Variants in RBL1 observed in about 807,000 individuals in gnomAD.
The protein encoded by RBL1 is retinoblastoma-like protein 1.
In RBL1, 82 loss-of-function variants were observed where a neutral mutation model predicts 123.0. That is an observed-to-expected ratio of 0.67 (90% CI 0.56 to 0.80). RBL1 has a LOEUF of 0.80. Among genes scored for constraint, RBL1 ranks in the 30% least tolerant of loss-of-function variants. RBL1 has a pLI of 0.00. For synonymous variants in RBL1, 405 were observed against 441.3 expected (o/e 0.92, Z 1.03); for missense variants, 1,171 against 1,299.6 (o/e 0.90, Z 1.52).
Position 37,044,085 on chromosome 20 carries a change from C to G in RBL1, c.1770+1G>C. The stretch of plus-strand genomic sequence containing the variant: ...CGATTATCAGCCTTGCCCAGACTCA[C>G]TTCTTCACAGGTAGGAACTTTGTTT... On this transcript the variant is annotated splice_donor_variant, in intron 13 of 21. Transcript: ENST00000373664. LOFTEE classifies it high-confidence loss of function. The G allele has an allele frequency of 1.3e-6, 2 of 1,522,624 alleles. No homozygotes were observed. Among genetic ancestry groups the G allele is most frequent in the Non-Finnish European group, 1.8e-6 (2 of 1,115,830 alleles). The allele number at this position is 1,522,624 out of a possible 1,614,324, so 94.3% of individuals were successfully genotyped here. A position where few individuals can be genotyped will look rare whatever the true frequency, so the allele number is the denominator to read the frequency against.
At chr20:37,091,434 T>C (rs1055407861) in intron 1 of RBL1, among the ~76,000 whole-genome samples, 1 of 151,716 alleles carries the variant, frequency 6.6e-6, no homozygotes, top group African/African-American at 2.4e-5. Context: ...TTTGGGAGGC[T>C]GAGGCAGAGG....
chr20:37,081,948 T>C (rs1218219078), intron 2 of RBL1: 1 of 455,148 alleles, frequency 2.2e-6, no homozygotes, highest in East Asian at 7.0e-5. Context: ...AATTATAATA[T>C]CAGTAAATGG....
intron 2 of RBL1, among the ~76,000 whole-genome samples, chr20:37,085,132 CTT>C (rs1212338574): frequency 5.3e-5 from 7 of 132,962 alleles, no homozygotes; most frequent in Admixed American, 1.5e-4. Flanking sequence ...CTTTTCTTTT[CTT>C]TTTTTTTTTT....
At chr20:37,053,268 T>C (rs999029268) in intron 11 of RBL1, among the ~76,000 whole-genome samples, 1 of 152,236 alleles carries the variant, frequency 6.6e-6, no homozygotes, top group East Asian at 1.9e-4. Context: ...AACACCAGTT[T>C]GTTGTAACAA....
At chr20:37,038,584 C>G (rs2064668036) in intron 14 of RBL1, among the ~76,000 whole-genome samples, 1 of 150,132 alleles carries the variant, frequency 6.7e-6, no homozygotes, top group Non-Finnish European at 1.5e-5. Context: ...CAGGAATGAG[C>G]CACTGTGCCT....
rs779276194 is a variant in RBL1 at position 36,998,933 on chromosome 20, T to C, written c.3037-4A>G. ...TGTTGTTGATATCTTTCAAACTCTG[T>C]GCAGAAATAGAGAACGTGTGTGAGT... On this transcript the variant is annotated splice_region_variant and splice_polypyrimidine_tract_variant and intron_variant, in intron 21 of 21. Coordinates refer to ENST00000373664, the MANE Select transcript of RBL1 (RefSeq NM_002895.5). 16 of 1,609,000 alleles carry C rather than the reference T, an allele frequency of 9.9e-6. No homozygotes were observed. The highest frequency in any genetic ancestry group is 1.4e-5 in the Non-Finnish European group (16 of 1,177,814).
intron 19 of RBL1, among the ~76,000 whole-genome samples, chr20:37,010,861 G>T (rs1036002031): frequency 1.3e-5 from 2 of 151,918 alleles, no homozygotes; most frequent in African/African-American, 4.8e-5. Flanking sequence ...TATCACCCAG[G>T]CTGAAGTGCA....
chr20:37,020,674 G>C lies in RBL1; in HGVS notation c.2616C>G (p.Pro872=). The C allele has an allele frequency of 6.3e-7, 1 of 1,585,622 alleles. No individual in the cohort carries two copies. Among genetic ancestry groups the C allele is most frequent in the East Asian group, 2.3e-5 (1 of 44,390 alleles). The change falls in exon 18 of 22, where the codon CCC becomes CCG. Residue 872 remains proline, a synonymous_variant. Transcript: ENST00000373664. ...QEIMKSYRNQ[P]QANSHVYRSV... ...TGTAACTCACGTGACTATTAGCTTGGGGCTGATTCCTATAACTTTTCATAA... is the reference window on the plus strand; with the variant it reads ...TGTAACTCACGTGACTATTAGCTTGCGGCTGATTCCTATAACTTTTCATAA...
chr20:37,064,254 C>T (rs1010385138), intron 7 of RBL1, among the ~76,000 whole-genome samples: 1 of 151,634 alleles, frequency 6.6e-6, no homozygotes, highest in African/African-American at 2.4e-5. Flanking sequence ...CCGCCTGCCT[C>T]AGCCTCCCAA....
intron 15 of RBL1, among the ~76,000 whole-genome samples, chr20:37,033,627 T>G (rs2064552343): frequency 6.6e-6 from 1 of 151,358 alleles, no homozygotes; most frequent in South Asian, 2.1e-4. Flanking sequence ...TTTTTTTTTT[T>G]TTTTGAGACA....
rs1316179002 is a variant in RBL1 at position 37,049,217 on chromosome 20, A to AAAAACAT, written c.1468-2028_1468-2027insATGTTTT. The AAAAACAT allele has an allele frequency of 2.9e-5, 12 of 416,178 alleles. 1 individual carries two copies. Among genetic ancestry groups the AAAAACAT allele is most frequent in the African/African-American group, 2.0e-4 (10 of 49,664 alleles). 25.8% of individuals were successfully genotyped at this position (416,178 alleles called of 1,614,324 possible). A position where few individuals can be genotyped will look rare whatever the true frequency, so the allele number is the denominator to read the frequency against. ...ACTCTGTCCCAAAAAACAAAAAACA[A>AAAAACAT]AAAACAAAAAAAAATTTAAAGATCC... On this transcript the variant is annotated intron_variant, in intron 11 of 21. Transcript: ENST00000373664.
intron 21 of RBL1, among the ~76,000 whole-genome samples, chr20:37,000,264 C>G (rs1290745013): frequency 6.7e-6 from 1 of 149,864 alleles, no homozygotes; most frequent in African/African-American, 2.5e-5. Context: ...GGCAGCCACT[C>G]CGTCTGGGAA....
chr20:37,012,201 C>T (rs2064161819), intron 19 of RBL1, among the ~76,000 whole-genome samples: 1 of 152,254 alleles, frequency 6.6e-6, no homozygotes, highest in Non-Finnish European at 1.5e-5. Context: ...GTGGCGTGAT[C>T]TCGGCTCGCT....
intron 19 of RBL1, among the ~76,000 whole-genome samples, chr20:37,014,372 TTC>T (rs2064216770): frequency 6.6e-6 from 1 of 151,616 alleles, no homozygotes; most frequent in Non-Finnish European, 1.5e-5. Flanking sequence ...AGCCACTGTG[TTC>T]TCTCTTTTTG....
chr20:37,001,158 T>TCC (rs934657452), intron 21 of RBL1, among the ~76,000 whole-genome samples: 6 of 146,050 alleles, frequency 4.1e-5, no homozygotes, highest in African/African-American at 1.5e-4. Context: ...AGCCGCCCCG[T>TCC]CCGGGAGGTG....
chr20:37,045,004 A>G (rs2046947636), intron 12 of RBL1, among the ~76,000 whole-genome samples: 1 of 152,050 alleles, frequency 6.6e-6, no homozygotes, highest in African/African-American at 2.4e-5. Flanking sequence ...TCTAGAATAA[A>G]GTTTATATAC....
chr20:37,041,127 G>A (rs2064716219), intron 13 of RBL1, among the ~76,000 whole-genome samples: 1 of 152,026 alleles, frequency 6.6e-6, no homozygotes, highest in Admixed American at 6.6e-5. Flanking sequence ...GACAGTTCTA[G>A]TAGTTTGGGA....
rs1308548510 is a variant in RBL1 at position 37,007,467 on chromosome 20, C to A, written c.2815G>T (p.Val939Leu). The change falls in exon 20 of 22, where the codon GTA becomes TTA. Residue 939 changes from valine (V) to leucine (L), a missense_variant. Coordinates refer to ENST00000373664, the MANE Select transcript of RBL1 (RefSeq NM_002895.5). ...DLIKFYNTIY[V>L]GRVKSFALKY... ...AGTGCAAATGACTTCACTCTTCCTACATATATTGTATTGTAAAATTTTATA... is the reference window on the plus strand; with the variant it reads ...AGTGCAAATGACTTCACTCTTCCTAAATATATTGTATTGTAAAATTTTATA... The A allele has an allele frequency of 6.2e-7, 1 of 1,613,830 alleles. No individual in the cohort carries two copies. The highest frequency in any genetic ancestry group is 8.5e-7 in the Non-Finnish European group (1 of 1,179,898).
chr20:37,012,019 C>T (rs977223519), intron 19 of RBL1, among the ~76,000 whole-genome samples: 1 of 152,220 alleles, frequency 6.6e-6, no homozygotes, highest in Admixed American at 6.5e-5. Flanking sequence ...CGCGCTGTCA[C>T]GCCTGACTGG....
Sources: gnomAD v4.1 joint callset for allele counts (sites outside exome capture counted in the v4.1 genomes callset) on GRCh38, gnomAD v4.1.1 for gene constraint, MANE v1.5 for transcripts, NCBI Gene and HGNC (gene_info 2026-07-23, HGNC 2026-07-21) for gene names.